TBC1D32: variants seen among roughly 807,000 people sequenced by gnomAD.
TBC1D32 encodes protein broad-minded.
In TBC1D32, 151 loss-of-function variants were observed where a neutral mutation model predicts 170.3. The observed-to-expected ratio is 0.89, with a 90% CI of 0.78 to 1.01. The LOEUF is 1.01. Ranked by LOEUF, TBC1D32 falls within the 50% of genes least tolerant of loss-of-function variation. The pLI, the probability that TBC1D32 is intolerant of heterozygous loss-of-function variation, is 0.00. For missense variants in TBC1D32, 1,464 were observed against 1,457.1 expected (o/e 1.00, Z -0.08); for synonymous variants, 498 against 488.0 (o/e 1.02, Z -0.27).
At chr6:121,084,887 T>G (rs1776023743) in intron 31 of TBC1D32, among the ~76,000 whole-genome samples, 1 of 152,066 alleles carries the variant, frequency 6.6e-6, no homozygotes, top group South Asian at 2.1e-4. Context: ...TATTTAATTA[T>G]TAATGCCCTT....
chr6:121,234,289 T>C lies in TBC1D32; in HGVS notation c.2364+4781A>G, dbSNP rs146439819. On this transcript the variant is annotated intron_variant, in intron 20 of 31. Coordinates refer to ENST00000398212, the MANE Select transcript of TBC1D32 (RefSeq NM_152730.6). Reference sequence around the variant, plus strand: ...CAAGGCTGGGGTTAGTTTTCCTTTATTATTACCTCAAATATGTTTTCCAAA... The same window carrying C: ...CAAGGCTGGGGTTAGTTTTCCTTTACTATTACCTCAAATATGTTTTCCAAA... Among the ~76,000 whole-genome samples, 11 of 152,312 alleles carry C rather than the reference T, an allele frequency of 7.2e-5. No individual in the cohort carries two copies. In the East Asian group the frequency reaches 2.1e-3, roughly 29 times the overall value.
At chr6:121,161,882 G>A (rs1317698092) in intron 22 of TBC1D32, among the ~76,000 whole-genome samples, 1 of 152,140 alleles carries the variant, frequency 6.6e-6, no homozygotes, top group African/African-American at 2.4e-5. Context: ...ATTCTGACTG[G>A]TGCGAGATGA....
At chr6:121,298,075 G>A (rs766516277) in intron 10 of TBC1D32, among the ~76,000 whole-genome samples, 1 of 151,906 alleles carries the variant, frequency 6.6e-6, no homozygotes, top group African/African-American at 2.4e-5. Flanking sequence ...AATACAATGG[G>A]AATAAACAGA....
At chr6:121,081,113 A>G (rs950736591) in intron 31 of TBC1D32, among the ~76,000 whole-genome samples, 1 of 152,180 alleles carries the variant, frequency 6.6e-6, no homozygotes, top group African/African-American at 2.4e-5. Context: ...TATTTTCAAA[A>G]CCAAAAATGA....
At position 121,157,978 on chromosome 6, in the gene TBC1D32, C is replaced by T. The variant is rs1032337843; in HGVS notation, c.2773+2032G>A. ...TTTGGTAAATCTGATGATGATGTGCCTTGGGGATCGTCATCCTGTATAGTA... is the reference window on the plus strand; with the variant it reads ...TTTGGTAAATCTGATGATGATGTGCTTTGGGGATCGTCATCCTGTATAGTA... On this transcript the variant is annotated intron_variant, in intron 24 of 31. Coordinates refer to ENST00000398212, the MANE Select transcript of TBC1D32 (RefSeq NM_152730.6). Among the ~76,000 whole-genome samples the T allele has an allele frequency of 7.2e-5, 11 of 152,072 alleles. No homozygotes were observed. In the South Asian group the frequency reaches 2.3e-3, roughly 32 times the overall value.
At chr6:121,168,712 TAAAAAAAAA>T (rs59283869) in intron 22 of TBC1D32, among the ~76,000 whole-genome samples, 3 of 93,902 alleles carry the variant, frequency 3.2e-5, no homozygotes, top group Non-Finnish European at 4.2e-5. Context: ...TAGAGTATAA[TAAAAAAAAA>T]AAAAAAAAAA....
At chr6:121,104,743 A>G (rs17083156) in intron 30 of TBC1D32, among the ~76,000 whole-genome samples, 3,756 of 151,792 alleles carry the variant, frequency 0.025, 168 homozygotes, top group East Asian at 0.13. Context: ...CCATGTGGAA[A>G]AAGAAATGGT....
intron 21 of TBC1D32, among the ~76,000 whole-genome samples, chr6:121,211,994 AACACACACACAC>A (rs66924686): frequency 1.0e-4 from 15 of 148,632 alleles, no homozygotes; most frequent in Middle Eastern, 7.0e-3. Flanking sequence ...GAACAAACAC[AACACACACACAC>A]ACACACACAC....
chr6:121,138,081 C>T (rs1306374157), intron 24 of TBC1D32, among the ~76,000 whole-genome samples: 1 of 152,064 alleles, frequency 6.6e-6, no homozygotes, highest in East Asian at 1.9e-4. Flanking sequence ...TTACTCTTAC[C>T]ATAATAAGCA....
intron 15 of TBC1D32, among the ~76,000 whole-genome samples, chr6:121,260,994 A>G (rs910795667): frequency 6.6e-6 from 1 of 152,112 alleles, no homozygotes; most frequent in Admixed American, 6.5e-5. Flanking sequence ...TATTCCCCAC[A>G]GCGCAGCACA....
At chr6:121,326,535 G>C (rs546893121) in intron 1 of TBC1D32, among the ~76,000 whole-genome samples, 1 of 152,210 alleles carries the variant, frequency 6.6e-6, no homozygotes, top group Non-Finnish European at 1.5e-5. Context: ...TTTAGCAACA[G>C]CTGTAAATAG....
intron 20 of TBC1D32, among the ~76,000 whole-genome samples, chr6:121,227,708 G>A (rs1048519543): frequency 6.6e-6 from 1 of 151,782 alleles, no homozygotes; most frequent in South Asian, 2.1e-4. Context: ...AATTCCAATC[G>A]ATAATATAGT....
Position 121,282,221 on chromosome 6 carries a change from AT to A in TBC1D32, c.1466-536del, listed in dbSNP as rs776197962. Reference sequence around the variant, plus strand: ...CATAAAGCCAGTGAAAACAAAGATCATTTTTTAGATTTTCTTTCAAAATATA... The same window carrying A: ...CATAAAGCCAGTGAAAACAAAGATCATTTTTAGATTTTCTTTCAAAATATA... On this transcript the variant is annotated intron_variant, in intron 13 of 31. Coordinates refer to ENST00000398212, the MANE Select transcript of TBC1D32 (RefSeq NM_152730.6). Among the ~76,000 whole-genome samples, 3 of 151,806 alleles carry A rather than the reference AT, an allele frequency of 2.0e-5. No homozygotes were observed. In the East Asian group the frequency reaches 5.8e-4, roughly 29 times the overall value.
intron 22 of TBC1D32, among the ~76,000 whole-genome samples, chr6:121,198,236 A>T (rs28552620): frequency 7.7e-6 from 1 of 129,570 alleles, no homozygotes. Flanking sequence ...AATATATATA[A>T]ATATATATAT....
At chr6:121,119,495 AT>A (rs1046416874) in intron 26 of TBC1D32, among the ~76,000 whole-genome samples, 12 of 151,926 alleles carry the variant, frequency 7.9e-5, no homozygotes, top group Non-Finnish European at 1.2e-4. Context: ...CAAAATGTTG[AT>A]TTTTTTTCTA....
At chr6:121,195,477 T>G (rs1242405348) in intron 22 of TBC1D32, among the ~76,000 whole-genome samples, 1 of 152,166 alleles carries the variant, frequency 6.6e-6, no homozygotes, top group Non-Finnish European at 1.5e-5. Context: ...TGACCTGAAC[T>G]GCCTATCATG....
At chr6:121,136,637 G>A (rs1320327077) in intron 24 of TBC1D32, among the ~76,000 whole-genome samples, 2 of 152,146 alleles carry the variant, frequency 1.3e-5, no homozygotes, top group Non-Finnish European at 2.9e-5. Context: ...ATGGTAGTAT[G>A]CAAGTGGGTG....
At chr6:121,100,623 A>G (rs550832017) in intron 30 of TBC1D32, among the ~76,000 whole-genome samples, 227 of 152,234 alleles carry the variant, frequency 1.5e-3, no homozygotes, top group African/African-American at 5.3e-3. Flanking sequence ...AAATGCCCAC[A>G]AGAAAAAGCA....
chr6:121,180,957 A>T (rs752265819), intron 22 of TBC1D32, among the ~76,000 whole-genome samples: 2 of 152,160 alleles, frequency 1.3e-5, no homozygotes, highest in Non-Finnish European at 2.9e-5. Flanking sequence ...TCAAAAGAAG[A>T]CATACAAATG....
Sources: gnomAD v4.1 joint callset for allele counts (sites outside exome capture counted in the v4.1 genomes callset) on GRCh38, gnomAD v4.1.1 for gene constraint, MANE v1.5 for transcripts, NCBI Gene and HGNC (gene_info 2026-07-23, HGNC 2026-07-21) for gene names.